HECW2: variants seen among roughly 807,000 people sequenced by gnomAD.
HECW2 encodes HECT, C2 and WW domain containing E3 ubiquitin protein ligase 2.
Under a neutral mutation model 175.2 loss-of-function variants are expected in HECW2, and 61 were observed. The observed-to-expected ratio is 0.35, with a 90% confidence interval of 0.28 to 0.43. The LOEUF is 0.43. Among genes scored for constraint, HECW2 ranks in the 20% least tolerant of loss-of-function variants. The pLI, the probability that HECW2 is intolerant of heterozygous loss-of-function variation, is 1.00. For missense variants in HECW2, 1,524 were observed against 2,000.5 expected (o/e 0.76, Z 4.54); for synonymous variants, 671 against 731.0 (o/e 0.92, Z 1.32).
At chr2:196,284,623 C>T (rs1204560625) in intron 14 of HECW2, among the ~76,000 whole-genome samples, 2 of 152,282 alleles carry the variant, frequency 1.3e-5, no homozygotes, top group South Asian at 4.1e-4. Context: ...GAAGAGCATG[C>T]AAAGTCCAAG....
Position 196,240,562 on chromosome 2 carries a change from C to A in HECW2, c.3651G>T (p.Lys1217Asn). ...GTAAGTGATCTCTTCGGATAATTAA[C>A]CTGTCCATAAAGAGACAATTTAGAA... ...KGYGQGPGKL[K>N]LIIRRDHLLE... Residue 1217 changes from lysine to asparagine, a missense_variant and splice_region_variant, in exon 21 of 29, where the codon AAG (lysine) becomes AAT (asparagine). Lys to Asn is a moderately conservative substitution (Grantham distance 94). Coordinates refer to ENST00000644978, the MANE Select transcript of HECW2 (RefSeq NM_001348768.2). 2.5e-6 allele frequency: 4 copies of A among 1,601,560 alleles called. No individual in the cohort carries two copies. The highest frequency in any genetic ancestry group is 3.4e-6 in the Non-Finnish European group (4 of 1,175,972).
chr2:196,500,864 CCAGGACT>C (rs1299387888), intron 1 of HECW2, among the ~76,000 whole-genome samples: 5 of 152,154 alleles, frequency 3.3e-5, no homozygotes, highest in Non-Finnish European at 7.3e-5. Flanking sequence ...AGTCACCTAT[CCAGGACT>C]CAACACTTTA....
At chr2:196,551,904 T>C (rs948435872) in intron 1 of HECW2, among the ~76,000 whole-genome samples, 1 of 152,216 alleles carries the variant, frequency 6.6e-6, no homozygotes, top group Admixed American at 6.5e-5. Context: ...GCTGACCTTC[T>C]TCATATGCAA....
chr2:196,442,629 T>G (rs1696073211), intron 1 of HECW2, among the ~76,000 whole-genome samples: 2 of 152,226 alleles, frequency 1.3e-5, no homozygotes, highest in Admixed American at 6.5e-5. Flanking sequence ...TAAAAACATA[T>G]TTTTAAGATT....
chr2:196,414,327 C>A (rs1253919349), intron 2 of HECW2, among the ~76,000 whole-genome samples: 5 of 152,188 alleles, frequency 3.3e-5, no homozygotes, highest in Non-Finnish European at 7.3e-5. Context: ...GAGACTGAAA[C>A]CCTACCTGTC....
At chr2:196,484,214 G>A (rs1221793423) in intron 1 of HECW2, among the ~76,000 whole-genome samples, 1 of 152,168 alleles carries the variant, frequency 6.6e-6, no homozygotes, top group Non-Finnish European at 1.5e-5. Context: ...CTGGTTCACA[G>A]TGAGCACTCA....
intron 1 of HECW2, among the ~76,000 whole-genome samples, chr2:196,476,162 G>T (rs1686604728): frequency 6.6e-6 from 1 of 151,994 alleles, no homozygotes. Context: ...AAGGCAGGTG[G>T]GCTGGGAGCA....
At chr2:196,222,186 G>C (rs200268472) in intron 24 of HECW2, 25 bp downstream of exon 24, 188 of 1,600,310 alleles carry the variant, frequency 1.2e-4, no homozygotes, top group Non-Finnish European at 1.5e-4. Context: ...CCACACTTAG[G>C]CGCCAGGTGT....
At chr2:196,324,026 G>T (rs2105774566) in intron 6 of HECW2, among the ~76,000 whole-genome samples, 1 of 149,054 alleles carries the variant, frequency 6.7e-6, no homozygotes, top group African/African-American at 2.5e-5. Context: ...CTGCCCAGGA[G>T]AAATGCCTTG....
chr2:196,209,757 C>CTTTTTTTTTT (rs1365319286), intron 28 of HECW2, among the ~76,000 whole-genome samples: 16 of 142,448 alleles, frequency 1.1e-4, no homozygotes, highest in African/African-American at 4.2e-4. Context: ...GTTTTTCTTT[C>CTTTTTTTTTT]TTTCTTTCTT....
At chr2:196,460,351 G>C (rs1291095262) in intron 1 of HECW2, among the ~76,000 whole-genome samples, 1 of 151,888 alleles carries the variant, frequency 6.6e-6, no homozygotes, top group Non-Finnish European at 1.5e-5. Context: ...AAAATAAAAA[G>C]AACTCAAAAA....
chr2:196,357,355 C>T (rs1168065602), intron 2 of HECW2, among the ~76,000 whole-genome samples: 1 of 152,128 alleles, frequency 6.6e-6, no homozygotes, highest in Non-Finnish European at 1.5e-5. Context: ...TCATCCTCCT[C>T]TAAGCCCTCT....
At chr2:196,399,833 T>C (rs1453483758) in intron 2 of HECW2, among the ~76,000 whole-genome samples, 4 of 152,200 alleles carry the variant, frequency 2.6e-5, no homozygotes, top group Non-Finnish European at 4.4e-5. Context: ...AACAGTTAAA[T>C]AGCCTTTCAC....
intron 2 of HECW2, among the ~76,000 whole-genome samples, chr2:196,421,064 G>C (rs1439205870): frequency 6.6e-6 from 1 of 152,054 alleles, no homozygotes; most frequent in Non-Finnish European, 1.5e-5. Flanking sequence ...TAAGAGAATA[G>C]ACTAGAATGT....
At chr2:196,436,554 C>A (rs1695881479) in intron 1 of HECW2, among the ~76,000 whole-genome samples, 1 of 152,092 alleles carries the variant, frequency 6.6e-6, no homozygotes, top group South Asian at 2.1e-4. Context: ...AGCCTGCATT[C>A]TAACAAGAAA....
intron 2 of HECW2, among the ~76,000 whole-genome samples, chr2:196,351,203 A>G (rs1424925315): frequency 6.6e-6 from 1 of 152,122 alleles, no homozygotes; most frequent in Non-Finnish European, 1.5e-5. Flanking sequence ...AAAAAATGAC[A>G]CACCAAGCTA....
At chr2:196,531,777 C>T (rs574473249) in intron 1 of HECW2, among the ~76,000 whole-genome samples, 8 of 152,248 alleles carry the variant, frequency 5.3e-5, no homozygotes, top group African/African-American at 1.9e-4. Flanking sequence ...TAATGTTAAC[C>T]TAGTTAACTT....
intron 1 of HECW2, among the ~76,000 whole-genome samples, chr2:196,467,284 T>G (rs1028089087): frequency 4.6e-5 from 7 of 152,232 alleles, no homozygotes; most frequent in Non-Finnish European, 5.9e-5. Context: ...CTTTGCACCT[T>G]ATAAATATTT....
chr2:196,523,257 C>A (rs530706215), intron 1 of HECW2, among the ~76,000 whole-genome samples: 8 of 152,046 alleles, frequency 5.3e-5, no homozygotes, highest in African/African-American at 1.7e-4. Context: ...GGAGTTCACT[C>A]ATCATTTGGC....
Sources: gnomAD v4.1 joint callset for allele counts (sites outside exome capture counted in the v4.1 genomes callset) on GRCh38, gnomAD v4.1.1 for gene constraint, MANE v1.5 for transcripts, NCBI Gene and HGNC (gene_info 2026-07-23, HGNC 2026-07-21) for gene names.